The following SLC39A11 variants were observed in gnomAD, a reference collection of about 807,000 sequenced individuals.
SLC39A11 encodes solute carrier family 39 member 11.
SLC39A11 carries 33 observed loss-of-function variants against 36.1 expected under a neutral mutation model. The ratio of observed to expected loss-of-function variants is 0.91; its 90% CI spans 0.69 to 1.22. SLC39A11 has a LOEUF of 1.22. SLC39A11 is among the 50% of genes most tolerant of loss of function. SLC39A11 has a pLI of 0.00. For synonymous variants in SLC39A11, 166 were observed against 170.3 expected, an observed-to-expected ratio of 0.97 and a Z score of 0.20; for missense variants, 432 against 430.3, an observed-to-expected ratio of 1.00 and a Z score of -0.03.
intron 4 of SLC39A11, among the ~76,000 whole-genome samples, chr17:72,961,842 C>T (rs1290488719): frequency 5.3e-5 from 8 of 152,076 alleles, no homozygotes; most frequent in Non-Finnish European, 1.0e-4. Context: ...ACCTATGTAT[C>T]AAACCTGCAC....
intron 4 of SLC39A11, among the ~76,000 whole-genome samples, chr17:73,006,377 C>A (rs528960647): frequency 8.5e-5 from 13 of 152,098 alleles, no homozygotes; most frequent in African/African-American, 3.1e-4. Flanking sequence ...GGATTGTGGG[C>A]CAAATCCAGC....
chr17:72,786,163 G>T lies in SLC39A11; in HGVS notation c.602-49444C>A, dbSNP rs1313190308. Among the ~76,000 whole-genome samples the T allele has an allele frequency of 2.0e-5, 3 of 152,298 alleles. No homozygotes were observed. The East Asian group carries it at 5.8e-4, about 29-fold the overall frequency. On this transcript the variant is annotated intron_variant, in intron 6 of 9. Coordinates refer to ENST00000255559, the MANE Select transcript of SLC39A11 (RefSeq NM_139177.4). ...CAATTGACTGCATGGGAAACCAGGA[G>T]TCAGGGCCTGGGCACCCAGCTGGAA...
chr17:72,879,372 A>C (rs1023426531), intron 5 of SLC39A11, among the ~76,000 whole-genome samples: 2 of 152,356 alleles, frequency 1.3e-5, no homozygotes, highest in African/African-American at 4.8e-5. Flanking sequence ...AGATACTCTT[A>C]TCACTCATAC....
At chr17:73,055,042 C>CTGGA (rs2059623334) in intron 3 of SLC39A11, among the ~76,000 whole-genome samples, 1 of 152,090 alleles carries the variant, frequency 6.6e-6, no homozygotes, top group Non-Finnish European at 1.5e-5. Flanking sequence ...AGGTCATATG[C>CTGGA]TGGAGTAAAT....
intron 6 of SLC39A11, among the ~76,000 whole-genome samples, chr17:72,777,189 G>C (rs1176095219): frequency 6.6e-6 from 1 of 152,138 alleles, no homozygotes; most frequent in Non-Finnish European, 1.5e-5. Flanking sequence ...ATTTTAAGAG[G>C]GGACAAAGCT....
At chr17:72,807,616 A>T (rs1049423347) in intron 6 of SLC39A11, among the ~76,000 whole-genome samples, 4 of 152,198 alleles carry the variant, frequency 2.6e-5, no homozygotes, top group Admixed American at 6.5e-5. Flanking sequence ...CTCAACAAGA[A>T]GATATGATGA....
At chr17:72,824,451 T>C (rs957915924) in intron 6 of SLC39A11, among the ~76,000 whole-genome samples, 3 of 151,276 alleles carry the variant, frequency 2.0e-5, no homozygotes, top group African/African-American at 7.3e-5. Context: ...GAGAATGGAC[T>C]AATATAGTAA....
chr17:72,753,543 G>C (rs1195085720), intron 6 of SLC39A11, among the ~76,000 whole-genome samples: 2 of 152,058 alleles, frequency 1.3e-5, no homozygotes, highest in African/African-American at 4.8e-5. Context: ...TGAATCTCCA[G>C]CTGAACATAC....
intron 4 of SLC39A11, among the ~76,000 whole-genome samples, chr17:73,014,783 C>A (rs746499485): frequency 6.6e-6 from 1 of 152,194 alleles, no homozygotes; most frequent in African/African-American, 2.4e-5. Flanking sequence ...TCTGGCTGCA[C>A]GTTTCTCTTG....
At chr17:73,004,780 G>A (rs2090090633) in intron 4 of SLC39A11, among the ~76,000 whole-genome samples, 1 of 152,218 alleles carries the variant, frequency 6.6e-6, no homozygotes, top group Non-Finnish European at 1.5e-5. Flanking sequence ...GGCAAAGATG[G>A]ACTGTGGTCC....
chr17:72,996,144 C>T (rs1271706381), intron 4 of SLC39A11, among the ~76,000 whole-genome samples: 1 of 152,094 alleles, frequency 6.6e-6, no homozygotes, highest in Non-Finnish European at 1.5e-5. Context: ...ATCCCTCAGT[C>T]CCACCACTGC....
At chr17:72,886,374 A>G (rs568210476) in intron 5 of SLC39A11, among the ~76,000 whole-genome samples, 1 of 152,242 alleles carries the variant, frequency 6.6e-6, no homozygotes, top group East Asian at 1.9e-4. Flanking sequence ...TGTTCTTCCA[A>G]CCCAAACTTG....
At chr17:72,716,864 G>A (rs570922618) in intron 7 of SLC39A11, among the ~76,000 whole-genome samples, 20 of 151,548 alleles carry the variant, frequency 1.3e-4, no homozygotes, top group African/African-American at 4.1e-4. Context: ...AGCTACTCAG[G>A]AGGCTGAGGC....
intron 3 of SLC39A11, among the ~76,000 whole-genome samples, chr17:73,074,324 G>A (rs2060252873): frequency 7.9e-6 from 1 of 126,974 alleles, no homozygotes; most frequent in South Asian, 2.5e-4. Flanking sequence ...CCAAGACAGA[G>A]TCTTGCTCTG....
chr17:72,869,940 T>A (rs2080519238), intron 5 of SLC39A11, among the ~76,000 whole-genome samples: 1 of 152,168 alleles, frequency 6.6e-6, no homozygotes, highest in African/African-American at 2.4e-5. Context: ...AAAAATATTA[T>A]AATACCAGGG....
At position 72,966,943 on chromosome 17, in the gene SLC39A11, C is replaced by G. The variant is rs372314230; in HGVS notation, c.307-19068G>C. Among the ~76,000 whole-genome samples the G allele has an allele frequency of 3.1e-4, 47 of 152,294 alleles. No individual in the cohort carries two copies. The East Asian group carries it at 7.4e-3, about 24-fold the overall frequency. On this transcript the variant is annotated intron_variant, in intron 4 of 9. Coordinates refer to ENST00000255559, the MANE Select transcript of SLC39A11 (RefSeq NM_139177.4). The stretch of plus-strand genomic sequence containing the variant: ...GCTCCACCTCCTGTCAGATCAGCAG[C>G]GGCATTAGATTCTCAAAGGAGCATG...
chr17:73,003,956 C>T (rs1406341920), intron 4 of SLC39A11, among the ~76,000 whole-genome samples: 3 of 151,878 alleles, frequency 2.0e-5, no homozygotes, highest in South Asian at 2.1e-4. Context: ...CATGGTGGTG[C>T]ATGCCTGTAA....
chr17:72,810,446 G>A (rs559251618), intron 6 of SLC39A11, among the ~76,000 whole-genome samples: 4 of 152,150 alleles, frequency 2.6e-5, no homozygotes, highest in Non-Finnish European at 5.9e-5. Context: ...GCACACAGAC[G>A]AACCTCAGAG....
intron 6 of SLC39A11, among the ~76,000 whole-genome samples, chr17:72,743,648 A>C (rs890381260): frequency 6.6e-6 from 1 of 152,182 alleles, no homozygotes; most frequent in African/African-American, 2.4e-5. Context: ...AGCTAAGCTC[A>C]TGAGAAGGCA....
Sources: allele counts gnomAD v4.1 joint callset (sites outside exome capture counted in the v4.1 genomes callset), GRCh38; gene constraint gnomAD v4.1.1; transcripts MANE v1.5; gene names NCBI Gene and HGNC (gene_info 2026-07-23, HGNC 2026-07-21).